Variants in PARPBP observed in about 807,000 individuals in gnomAD.
PARPBP encodes the protein PARP1 binding protein, also known as PCNA-interacting partner.
A neutral mutation model predicts 50.0 loss-of-function variants in PARPBP; 52 were observed. The observed-to-expected ratio is 1.04, with a 90% confidence interval of 0.83 to 1.31. The LOEUF is 1.31. Ranked by LOEUF, PARPBP falls within the 50% of genes most tolerant of loss-of-function variation. The pLI is 0.00. For synonymous variants in PARPBP, 244 were observed against 232.1 expected, an observed-to-expected ratio of 1.05 and a Z score of -0.47; for missense variants, 697 against 672.0, an observed-to-expected ratio of 1.04 and a Z score of -0.41.
chr12:102,129,167 A>G (rs1402672354), intron 2 of PARPBP, among the ~76,000 whole-genome samples: 1 of 152,004 alleles, frequency 6.6e-6, no homozygotes, highest in Non-Finnish European at 1.5e-5. Context: ...TCATTTTATT[A>G]TTTAGAGACA....
chr12:102,194,792 G>A (rs746544506), intron 9 of PARPBP, among the ~76,000 whole-genome samples: 2 of 151,430 alleles, frequency 1.3e-5, no homozygotes, highest in Non-Finnish European at 3.0e-5. Flanking sequence ...GTTTTATCTT[G>A]CAGTTTCTTT....
intron 2 of PARPBP, among the ~76,000 whole-genome samples, chr12:102,138,483 T>A (rs1386475124): frequency 6.6e-6 from 1 of 152,204 alleles, no homozygotes; most frequent in Admixed American, 6.5e-5. Flanking sequence ...GTAGTTTCTT[T>A]TGCTGTGCAG....
At chr12:102,140,995 A>G (rs1298755376) in intron 2 of PARPBP, among the ~76,000 whole-genome samples, 1 of 152,224 alleles carries the variant, frequency 6.6e-6, no homozygotes, top group Non-Finnish European at 1.5e-5. Context: ...GATGTCTATT[A>G]GGTCCGCTTG....
At chr12:102,130,237 T>C (rs989447531) in intron 2 of PARPBP, among the ~76,000 whole-genome samples, 5 of 151,946 alleles carry the variant, frequency 3.3e-5, no homozygotes, top group Non-Finnish European at 5.9e-5. Context: ...CATACAAAAA[T>C]CAACTCAAGA....
chr12:102,122,292 G>C (rs953993617), intron 1 of PARPBP, among the ~76,000 whole-genome samples: 7 of 152,110 alleles, frequency 4.6e-5, no homozygotes, highest in African/African-American at 1.7e-4. Flanking sequence ...ACTAGGATTT[G>C]CATTTATGTA....
At chr12:102,171,920 T>G (rs1888795547) in intron 6 of PARPBP, among the ~76,000 whole-genome samples, 1 of 152,198 alleles carries the variant, frequency 6.6e-6, no homozygotes, top group African/African-American at 2.4e-5. Context: ...TGTGGCACCT[T>G]TAATTACATT....
chr12:102,143,627 T>C lies in PARPBP; in HGVS notation c.154-4603T>C, dbSNP rs532934977. On this transcript the variant is annotated intron_variant, in intron 2 of 10. Transcript: ENST00000327680. ...CCATCTTGGAACCTCCTCCTAAAAA[T>C]GTAACCTTTATAGATTCATTGAGGA... 6.8e-4 allele frequency among the ~76,000 whole-genome samples: 103 copies of C among 152,330 alleles called. No homozygotes were observed. In the Middle Eastern group the frequency reaches 0.01, roughly 15 times the overall value.
intron 3 of PARPBP, among the ~76,000 whole-genome samples, chr12:102,149,574 C>T (rs1030882359): frequency 1.3e-5 from 2 of 152,162 alleles, no homozygotes; most frequent in African/African-American, 2.4e-5. Flanking sequence ...TCTTTCATGT[C>T]ATTGCCAAAA....
intron 2 of PARPBP, among the ~76,000 whole-genome samples, chr12:102,134,192 C>A (rs1340498462): frequency 1.1e-5 from 1 of 89,194 alleles, no homozygotes; most frequent in African/African-American, 4.5e-5. Context: ...AAAAGATAAA[C>A]AAAATCAACA....
intron 1 of PARPBP, among the ~76,000 whole-genome samples, chr12:102,122,349 A>G (rs1881280059): frequency 6.6e-6 from 1 of 152,220 alleles, no homozygotes; most frequent in African/African-American, 2.4e-5. Context: ...GTTGCATCAT[A>G]GATTGTGTCT....
chr12:102,165,984 C>G (rs1485743963), intron 6 of PARPBP, 101 bp downstream of exon 6: 2 of 743,044 alleles, frequency 2.7e-6, no homozygotes, highest in Non-Finnish European at 4.4e-6. Context: ...AAGCATCAGA[C>G]CAAACGGTGA....
At chr12:102,121,521 G>T (rs1881076131) in intron 1 of PARPBP, among the ~76,000 whole-genome samples, 1 of 136,320 alleles carries the variant, frequency 7.3e-6, no homozygotes, top group Admixed American at 7.3e-5. Flanking sequence ...GAGACTCTTG[G>T]TTTTCTGTCA....
At chr12:102,147,139 C>A (rs1038124969) in intron 2 of PARPBP, among the ~76,000 whole-genome samples, 1 of 152,174 alleles carries the variant, frequency 6.6e-6, no homozygotes, top group Non-Finnish European at 1.5e-5. Flanking sequence ...ACTAGTTCAA[C>A]CATTGTGGAA....
chr12:102,151,604 G>T (rs1223479431), intron 3 of PARPBP: 10 of 1,535,506 alleles, frequency 6.5e-6, no homozygotes, highest in Non-Finnish European at 8.7e-6. Context: ...GAAAGAGGAA[G>T]CTTGCTGCTG....
chr12:102,140,033 A>T (rs902275040), intron 2 of PARPBP, among the ~76,000 whole-genome samples: 11 of 151,898 alleles, frequency 7.2e-5, no homozygotes. Context: ...TTTTTCTGTT[A>T]ATTGGAATAG....
chr12:102,133,880 G>A (rs971946248), intron 2 of PARPBP, among the ~76,000 whole-genome samples: 2 of 151,828 alleles, frequency 1.3e-5, no homozygotes, highest in African/African-American at 4.8e-5. Flanking sequence ...CCAACGGTTC[G>A]AAGAAGAAAT....
In PARPBP at chr12:102,147,181, A is replaced by G. The variant is rs577136368; in HGVS notation, c.154-1049A>G. Among the ~76,000 whole-genome samples, 15 of 152,348 alleles carry G rather than the reference A, an allele frequency of 9.8e-5. No individual in the cohort carries two copies. The South Asian group carries it at 3.1e-3, about 32-fold the overall frequency. ...GTGGCTATTCCTCGGATCTAGAACT[A>G]GAAATACCATTTGACCCAGCCATCC... On this transcript the variant is annotated intron_variant, in intron 2 of 10. Transcript: ENST00000327680.
At chr12:102,134,238 C>CAAAAAAAAAAAAAAAAAAAAAAGAAAA (rs771158918) in intron 2 of PARPBP, among the ~76,000 whole-genome samples, 1 of 91,334 alleles carries the variant, frequency 1.1e-5, no homozygotes, top group Non-Finnish European at 2.4e-5. Flanking sequence ...AGAGAAGCCT[C>CAAAAAAAAAAAAAAAAAAAAAAGAAAA]AAAAAAAAAA....
intron 7 of PARPBP, among the ~76,000 whole-genome samples, chr12:102,176,231 C>T (rs192136020): frequency 8.1e-4 from 123 of 152,308 alleles, no homozygotes; most frequent in African/African-American, 2.8e-3. Flanking sequence ...ATCTGCCCGC[C>T]TCGGCCTCCC....
Sources: allele counts gnomAD v4.1 joint callset (sites outside exome capture counted in the v4.1 genomes callset), GRCh38; gene constraint gnomAD v4.1.1; transcripts MANE v1.5; gene names NCBI Gene and HGNC (gene_info 2026-07-23, HGNC 2026-07-21).